Variants in USP47 observed in about 807,000 individuals in gnomAD.
The protein encoded by USP47 is ubiquitin carboxyl-terminal hydrolase 47.
A neutral mutation model predicts 165.1 loss-of-function variants in USP47; 35 were observed. The observed-to-expected ratio is 0.21, with a 90% CI of 0.16 to 0.28. USP47 has a LOEUF of 0.28. USP47 is among the 10% of genes least tolerant of loss of function. The pLI, the probability that USP47 is intolerant of heterozygous loss-of-function variation, is 1.00. For missense variants in USP47, 1,277 were observed against 1,607.4 expected, an observed-to-expected ratio of 0.79 and a Z score of 3.52; for synonymous variants, 531 against 544.5, an observed-to-expected ratio of 0.98 and a Z score of 0.35.
intron 4 of USP47, among the ~76,000 whole-genome samples, chr11:11,895,254 A>G (rs1431435166): frequency 5.9e-5 from 9 of 152,138 alleles, no homozygotes; most frequent in Non-Finnish European, 1.3e-4. Flanking sequence ...ATGTAATCAT[A>G]GTCTTTGTTC....
In USP47 at chr11:11,940,522, G is replaced by A; in HGVS notation, c.2287G>A (p.Ala763Thr). 6.2e-7 allele frequency: 1 copy of A among 1,611,712 alleles called. No homozygotes were observed. The highest frequency in any genetic ancestry group is 8.5e-7 in the Non-Finnish European group (1 of 1,178,430). The change falls in exon 19 of 28, where the codon GCT becomes ACT. Residue 763 changes from alanine to threonine, a missense_variant. By Grantham distance (58) the Ala-to-Thr change is moderately conservative. This residue lies in a region of USP47 where 909 missense variants were observed against 1,068.1 expected (regional missense o/e 0.85). Coordinates refer to ENST00000527733, the MANE Select transcript of USP47 (RefSeq NM_001282659.2). The stretch of plus-strand genomic sequence containing the variant: ...CAGTGTCTCCAGTAAAACCCTGAAA[G>A]CTGAAGGATTTTTTAGAAGTAACAA... ...LLSVSSKTLK[A>T]EGFFRSNKVF...
chr11:11,930,323 T>G (rs911501495), intron 13 of USP47, among the ~76,000 whole-genome samples: 26 of 152,286 alleles, frequency 1.7e-4, no homozygotes, highest in Admixed American at 1.6e-3. Flanking sequence ...GCTTTTACAC[T>G]ATAATAACAT....
intron 1 of USP47, among the ~76,000 whole-genome samples, chr11:11,869,414 A>C (rs1445259771): frequency 6.6e-6 from 1 of 152,134 alleles, no homozygotes; most frequent in Non-Finnish European, 1.5e-5. Flanking sequence ...ACCTAGTCAA[A>C]AATCAGTTGT....
chr11:11,953,171 A>G (rs1174621089), intron 25 of USP47, among the ~76,000 whole-genome samples: 1 of 152,096 alleles, frequency 6.6e-6, no homozygotes, highest in Admixed American at 6.5e-5. Flanking sequence ...AGAATTAGTT[A>G]GAAGTTACTA....
At position 11,842,138 on chromosome 11, in the gene USP47, C is replaced by G. The variant is rs755273076; in HGVS notation, c.-48C>G. ...CTCTTGAGCTAGCGAGCCGCCGCCA[C>G]CCTCCACCCTCCCCCGGCAGGGCGG... On this transcript the variant is annotated 5_prime_UTR_variant, in exon 1 of 28. Coordinates refer to ENST00000527733, the MANE Select transcript of USP47 (RefSeq NM_001282659.2). 6 of 1,549,140 alleles carry G rather than the reference C, an allele frequency of 3.9e-6. No homozygotes were observed. The highest frequency in any genetic ancestry group is 1.2e-5 in the South Asian group (1 of 83,810).
Position 11,920,396 on chromosome 11 carries a change from G to C in USP47, c.1120G>C (p.Asp374His), listed in dbSNP as rs777625787. 1 of 1,610,898 alleles carries C rather than the reference G, an allele frequency of 6.2e-7. No homozygotes were observed. The highest frequency in any genetic ancestry group is 8.5e-7 in the Non-Finnish European group (1 of 1,178,186). Residue 374 changes from aspartate (D) to histidine (H), a missense_variant, in exon 10 of 28, where the codon GAT becomes CAT. Physicochemically the swap from Asp to His is moderately conservative, Grantham distance 81. Transcript: ENST00000527733. ...GCTGACCTTACAGCTGAAAAGATTC[G>C]ATTTTGATTATACAACCATGCATAG... The part of the protein sequence containing the change: ...YLLTLQLKRF[D>H]FDYTTMHRIK...
intron 8 of USP47, among the ~76,000 whole-genome samples, chr11:11,910,596 A>T (rs1367024760): frequency 6.6e-6 from 1 of 151,670 alleles, no homozygotes; most frequent in Non-Finnish European, 1.5e-5. Flanking sequence ...GTACTGAGAT[A>T]CTCCTGCCCT....
At position 11,915,455 on chromosome 11, in the gene USP47, T is replaced by C. The variant is rs778033134; in HGVS notation, c.970-4701T>C. On this transcript the variant is annotated intron_variant, in intron 8 of 27. Coordinates refer to ENST00000527733, the MANE Select transcript of USP47 (RefSeq NM_001282659.2). ...TGAATATATGAACCTCTACAGGTGATAGAATTGTATGGAACTTAATAGACA... is the reference window on the plus strand; with the variant it reads ...TGAATATATGAACCTCTACAGGTGACAGAATTGTATGGAACTTAATAGACA... 7.2e-5 allele frequency among the ~76,000 whole-genome samples: 11 copies of C among 152,134 alleles called. No individual in the cohort carries two copies. In the South Asian group the frequency reaches 8.3e-4, roughly 11 times the overall value.
At chr11:11,867,275 G>T (rs185096707) in intron 1 of USP47, among the ~76,000 whole-genome samples, 157 of 152,144 alleles carry the variant, frequency 1.0e-3, no homozygotes, top group Non-Finnish European at 1.8e-3. Context: ...CTGTGGATTC[G>T]TGTCTTTCAT....
chr11:11,877,686 C>T (rs1440332856), intron 1 of USP47, among the ~76,000 whole-genome samples: 1 of 151,892 alleles, frequency 6.6e-6, no homozygotes, highest in Non-Finnish European at 1.5e-5. Flanking sequence ...GGAAAGATTG[C>T]ATGATATAAG....
At chr11:11,843,678 C>T (rs1301364603) in intron 1 of USP47, among the ~76,000 whole-genome samples, 1 of 152,130 alleles carries the variant, frequency 6.6e-6, no homozygotes, top group East Asian at 1.9e-4. Context: ...AGAAAAATAT[C>T]ATATAGGTGG....
At chr11:11,954,031 C>T (rs1856394947) in intron 25 of USP47, among the ~76,000 whole-genome samples, 1 of 152,094 alleles carries the variant, frequency 6.6e-6, no homozygotes, top group Non-Finnish European at 1.5e-5. Context: ...GGGCAGATCA[C>T]TTGAGTTCAG....
intron 1 of USP47, among the ~76,000 whole-genome samples, chr11:11,844,938 C>T (rs1848344991): frequency 1.3e-5 from 2 of 152,106 alleles, no homozygotes; most frequent in Non-Finnish European, 2.9e-5. Context: ...CAAACCACGG[C>T]CTGTGGTCCA....
rs1297785334 is a variant in USP47, at chr11:11,871,535, A to G, written c.40-8642A>G. ...AAAAAAAAAAAAAAAAAAAAAAAAA[A>G]AAAGAATTCTGGTTGGTGGGAACCT... is the stretch of plus-strand genomic sequence containing the variant. On this transcript the variant is annotated intron_variant, in intron 1 of 27. Coordinates refer to ENST00000527733, the MANE Select transcript of USP47 (RefSeq NM_001282659.2). Among the ~76,000 whole-genome samples the G allele has an allele frequency of 2.9e-5, 3 of 102,818 alleles. 1 individual carries two copies. Among genetic ancestry groups the G allele is most frequent in the Non-Finnish European group, 6.5e-5 (3 of 46,030 alleles). 67.5% of individuals were successfully genotyped at this position (102,818 alleles called of 152,430 possible).
Position 11,884,442 on chromosome 11 carries a change from G to A in USP47, c.244-25G>A, listed in dbSNP as rs370003970. 2.7e-6 allele frequency: 4 copies of A among 1,480,372 alleles called. No individual in the cohort carries two copies. In the African/African-American group the frequency reaches 5.7e-5, roughly 21 times the overall value. The allele number at this position is 1,480,372 out of a possible 1,614,324, so 91.7% of individuals were successfully genotyped here. On this transcript the variant is annotated intron_variant, in intron 2 of 27. Coordinates refer to ENST00000527733, the MANE Select transcript of USP47 (RefSeq NM_001282659.2). Reference sequence around the variant, plus strand: ...ACTTATTTTATGTTTCTCATAATCTGAAACATTATGTTTTATGTCCATAGG... The same window carrying A: ...ACTTATTTTATGTTTCTCATAATCTAAAACATTATGTTTTATGTCCATAGG...
At position 11,940,571 on chromosome 11, in the gene USP47, A is replaced by T. The variant is rs781585027; in HGVS notation, c.2313+23A>T. On this transcript the variant is annotated intron_variant, in intron 19 of 27. Transcript: ENST00000527733. ...AAGGTATGTCATTTACTTTTTCATT[A>T]CTATTTTCTATGCTGGTAGTAGTAA... 4 of 1,607,822 alleles carry T rather than the reference A, an allele frequency of 2.5e-6. No individual in the cohort carries two copies. In the South Asian group the frequency reaches 4.4e-5, roughly 18 times the overall value.
Position 11,871,330 on chromosome 11 carries a change from C to CGTCTCTA in USP47, c.40-8846_40-8840dup, listed in dbSNP as rs1850029046. Among the ~76,000 whole-genome samples, 3 of 151,304 alleles carry CGTCTCTA rather than the reference C, an allele frequency of 2.0e-5. 1 individual carries two copies. In the South Asian group the frequency reaches 6.3e-4, roughly 32 times the overall value. On this transcript the variant is annotated intron_variant, in intron 1 of 27. Transcript: ENST00000527733. ...CATCCTGGCCAACATGGTGAAACCC[C>CGTCTCTA]GTCTCTACTAAAAAATGCAAAAATT...
Position 11,940,612 on chromosome 11 carries a change from A to G in USP47, c.2313+64A>G, listed in dbSNP as rs1293803790. ...GTAGTAGTAAATGAAATTAGGTTCA[A>G]TATTATAAGCCTGGCCTCCACAGCT... On this transcript the variant is annotated intron_variant, in intron 19 of 27. Transcript: ENST00000527733. The G allele has an allele frequency of 3.2e-6, 5 of 1,550,434 alleles. No individual in the cohort carries two copies. In the African/African-American group the frequency reaches 4.1e-5, roughly 13 times the overall value.
chr11:11,866,770 A>G (rs971246781), intron 1 of USP47, among the ~76,000 whole-genome samples: 2 of 152,200 alleles, frequency 1.3e-5, no homozygotes, highest in Non-Finnish European at 2.9e-5. Flanking sequence ...TCTCACAACA[A>G]TGAAAGTATC....
Sources: allele counts gnomAD v4.1 joint callset (sites outside exome capture counted in the v4.1 genomes callset), GRCh38; gene constraint gnomAD v4.1.1; regional missense constraint gnomAD v4.1.1; transcripts MANE v1.5; gene names NCBI Gene and HGNC (gene_info 2026-07-23, HGNC 2026-07-21).